The following PCGF3 variants were observed in gnomAD, a reference collection of about 807,000 sequenced individuals.
PCGF3 encodes the protein polycomb group RING finger protein 3.
In PCGF3, 7 loss-of-function variants were observed where a neutral mutation model predicts 33.1. That is an observed-to-expected ratio of 0.21 (90% CI 0.12 to 0.40). PCGF3 has a LOEUF of 0.40. Among genes scored for constraint, PCGF3 ranks in the 10% least tolerant of loss-of-function variants. The pLI, the probability that PCGF3 is intolerant of heterozygous loss-of-function variation, is 1.00. For synonymous variants in PCGF3, 153 were observed against 121.3 expected (o/e 1.26, Z -1.72); for missense variants, 211 against 313.3 (o/e 0.67, Z 2.46).
chr4:709,787 T>C (rs1742487280), intron 1 of PCGF3, among the ~76,000 whole-genome samples: 1 of 152,226 alleles, frequency 6.6e-6, no homozygotes, highest in Non-Finnish European at 1.5e-5. Context: ...GGTTTTCAGC[T>C]TAACATTTCA....
At chr4:768,122 A>T (rs933994161) in exon 11 of PCGF3, 1 of 152,690 alleles carries the variant, frequency 6.5e-6, no homozygotes, top group African/African-American at 2.4e-5. Flanking sequence ...CTAAGCTGAT[A>T]GATTTAAATA....
intron 1 of PCGF3, among the ~76,000 whole-genome samples, chr4:706,498 G>A (rs1742310889): frequency 6.8e-6 from 1 of 146,668 alleles, no homozygotes. Flanking sequence ...CAAGACCCCA[G>A]ACCAGGCAGG....
At chr4:716,968 C>T (rs1201722763) in intron 1 of PCGF3, among the ~76,000 whole-genome samples, 1 of 125,120 alleles carries the variant, frequency 8.0e-6, no homozygotes, top group African/African-American at 3.2e-5. Flanking sequence ...AACTGGGCGT[C>T]GGTGCTGGGA....
chr4:733,632 A>G, intron 3 of PCGF3, 40 bp from the exon 4 acceptor site: 1 of 1,568,650 alleles, frequency 6.4e-7, no homozygotes, highest in Non-Finnish European at 8.6e-7. Flanking sequence ...AAAGGCATGG[A>G]AGAGTTTCAG....
chr4:725,657 C>T (rs1458039916), intron 1 of PCGF3, among the ~76,000 whole-genome samples: 2 of 148,146 alleles, frequency 1.4e-5, no homozygotes, highest in East Asian at 2.0e-4. Context: ...TGTGGGCTGC[C>T]GAGGGCTGCT....
intron 1 of PCGF3, among the ~76,000 whole-genome samples, chr4:727,641 T>A (rs947638209): frequency 1.3e-5 from 2 of 152,210 alleles, no homozygotes; most frequent in African/African-American, 2.4e-5. Context: ...GTATCTTTTG[T>A]CATAAATTGT....
intron 8 of PCGF3, among the ~76,000 whole-genome samples, chr4:753,733 A>C (rs2152608221): frequency 6.6e-6 from 1 of 152,238 alleles, no homozygotes; most frequent in Non-Finnish European, 1.5e-5. Context: ...AGATTGCCTA[A>C]GCTCAGGAGT....
rs114669427 is a variant in PCGF3 at position 724,340 on chromosome 4, C to T, written c.-189-6290C>T. 4.1e-3 allele frequency among the ~76,000 whole-genome samples: 621 copies of T among 152,322 alleles called. 5 individuals are homozygous for T. The highest frequency in any genetic ancestry group is 0.014 in the African/African-American group (596 of 41,584). On this transcript the variant is annotated intron_variant, in intron 1 of 10. Transcript: ENST00000362003. ...TGCCAGCCAGGTCAGGGGCTCAGTCCTGTGGGCCACCACAGCCGGCCGCAC... is the reference window on the plus strand; with the variant it reads ...TGCCAGCCAGGTCAGGGGCTCAGTCTTGTGGGCCACCACAGCCGGCCGCAC...
chr4:744,778 G>A (rs373508822), intron 8 of PCGF3, 90 bp downstream of exon 8: 1 of 203,268 alleles, frequency 4.9e-6, no homozygotes. Context: ...TGCAGTGTTA[G>A]TGTTCGCCGT....
At chr4:756,646 C>T (rs920312051) in intron 8 of PCGF3, among the ~76,000 whole-genome samples, 3 of 152,040 alleles carry the variant, frequency 2.0e-5, no homozygotes, top group Non-Finnish European at 4.4e-5. Context: ...ATAAAATATG[C>T]CATTTTAACC....
intron 8 of PCGF3, among the ~76,000 whole-genome samples, chr4:754,640 T>G: frequency 6.6e-6 from 1 of 151,998 alleles, no homozygotes; most frequent in Non-Finnish European, 1.5e-5. Context: ...GGAGGTGAGG[T>G]TGGGGACCTT....
chr4:748,568 G>A (rs1744372935), intron 8 of PCGF3, among the ~76,000 whole-genome samples: 1 of 152,236 alleles, frequency 6.6e-6, no homozygotes, highest in African/African-American at 2.4e-5. Context: ...AGACACGTGT[G>A]TCCAACGTGG....
In PCGF3 at chr4:734,514, T is replaced by G. The variant is rs1435117492; in HGVS notation, c.110-417T>G. The G allele has an allele frequency of 2.5e-6, 3 of 1,206,208 alleles. No individual in the cohort carries two copies. The African/African-American group carries it at 4.7e-5, about 19-fold the overall frequency. 74.7% of individuals were successfully genotyped at this position (1,206,208 alleles called of 1,614,324 possible). Reference sequence around the variant, plus strand: ...TAACGTTAATCGTATTTTTAGATATTGGTTAGCATATTTTATGTTAGGTTA... The same window carrying G: ...TAACGTTAATCGTATTTTTAGATATGGGTTAGCATATTTTATGTTAGGTTA... On this transcript the variant is annotated intron_variant, in intron 4 of 10. Coordinates refer to ENST00000362003, the Ensembl canonical transcript of PCGF3.
chr4:722,685 T>C (rs1266118690), intron 1 of PCGF3, among the ~76,000 whole-genome samples: 1 of 107,362 alleles, frequency 9.3e-6, no homozygotes, highest in Admixed American at 9.7e-5. Context: ...GGGTCCACAC[T>C]CGCGTCATCA....
At chr4:734,027 A>G (rs1560205144) in intron 4 of PCGF3, 2 of 1,550,670 alleles carry the variant, frequency 1.3e-6, no homozygotes, top group Non-Finnish European at 1.7e-6. Flanking sequence ...CACAGGAGAG[A>G]CCCCACATTC....
chr4:725,830 C>A (rs1743310286), intron 1 of PCGF3, among the ~76,000 whole-genome samples: 1 of 152,126 alleles, frequency 6.6e-6, no homozygotes, highest in Non-Finnish European at 1.5e-5. Flanking sequence ...GTCCCCGGGT[C>A]CCCCAGCAGG....
In PCGF3 at chr4:733,059, G is replaced by C. The variant is rs199793490; in HGVS notation, c.-9-613G>C. ...GTGAGGGTAGGGTGGGGCCCCTGCC[G>C]CGTGCTGCCTCCGCCCCTGCCCCGT... On this transcript the variant is annotated intron_variant, in intron 3 of 10. Transcript: ENST00000362003. Among the ~76,000 whole-genome samples the C allele has an allele frequency of 1.6e-4, 23 of 146,510 alleles. 1 individual carries two copies. Among genetic ancestry groups the C allele is most frequent in the South Asian group, 1.3e-3 (6 of 4,536 alleles).
At chr4:734,871 C>G in intron 4 of PCGF3, 60 bp from the exon 5 acceptor site, 1 of 1,576,418 alleles carries the variant, frequency 6.3e-7, no homozygotes, top group Admixed American at 1.9e-5. Flanking sequence ...TGGAGCACGC[C>G]GATGGGGTGG....
intron 1 of PCGF3, among the ~76,000 whole-genome samples, chr4:724,507 C>A (rs1037795065): frequency 6.6e-6 from 1 of 152,212 alleles, no homozygotes; most frequent in African/African-American, 2.4e-5. Flanking sequence ...TTATTTACTT[C>A]ATAAAATACT....
Sources: gnomAD v4.1 joint callset for allele counts (sites outside exome capture counted in the v4.1 genomes callset) on GRCh38, gnomAD v4.1.1 for gene constraint, MANE v1.5 for transcripts, NCBI Gene and HGNC (gene_info 2026-07-23, HGNC 2026-07-21) for gene names.